The following CYP2C18 variants were observed in gnomAD, a reference collection of about 807,000 sequenced individuals.
CYP2C18 encodes the protein cytochrome P450 2C18.
Under a neutral mutation model 41.3 loss-of-function variants are expected in CYP2C18, and 38 were observed. The observed-to-expected ratio is 0.92, with a 90% confidence interval of 0.71 to 1.21. The LOEUF (loss-of-function observed/expected upper bound fraction) is 1.21. Ranked by LOEUF, CYP2C18 falls within the 50% of genes most tolerant of loss-of-function variation. The pLI is 0.00. For missense variants in CYP2C18, 635 were observed against 591.4 expected, an observed-to-expected ratio of 1.07 and a Z score of -0.77; for synonymous variants, 236 against 210.0, an observed-to-expected ratio of 1.12 and a Z score of -1.07.
At chr10:94,718,270 CTA>C (rs1225471669) in intron 5 of CYP2C18, among the ~76,000 whole-genome samples, 3 of 151,950 alleles carry the variant, frequency 2.0e-5, no homozygotes, top group Non-Finnish European at 2.9e-5. Flanking sequence ...TGTTGAAACA[CTA>C]TTAATTTTTG....
chr10:94,733,393 A>T lies in CYP2C18; in HGVS notation c.1246A>T (p.Ser416Cys). 6.2e-7 allele frequency: 1 copy of T among 1,613,424 alleles called. No individual in the cohort carries two copies. Residue 416 changes from serine to cysteine, a missense_variant, in exon 8 of 9, where the codon AGT becomes TGT. By Grantham distance (112) the Ser-to-Cys change is moderately radical. Transcript: ENST00000285979. ...MFDPGHFLDK[S>C]GNFKKSDYFM... ...TGACCCTGGCCACTTTCTGGATAAG[A>T]GTGGCAACTTTAAGAAAAGTGACTA...
At chr10:94,731,983 A>C (rs1847841820) in intron 7 of CYP2C18, among the ~76,000 whole-genome samples, 1 of 152,118 alleles carries the variant, frequency 6.6e-6, no homozygotes, top group Non-Finnish European at 1.5e-5. Context: ...TTGATAATTT[A>C]GTTACAAATT....
chr10:94,721,600 C>T (rs905271128), intron 6 of CYP2C18, among the ~76,000 whole-genome samples: 4 of 152,094 alleles, frequency 2.6e-5, no homozygotes, highest in Non-Finnish European at 4.4e-5. Context: ...TTTCATCCCT[C>T]ACCTCCCTCC....
At chr10:94,691,709 TTG>T (rs1439333723) in intron 3 of CYP2C18, among the ~76,000 whole-genome samples, 5 of 152,204 alleles carry the variant, frequency 3.3e-5, no homozygotes, top group Non-Finnish European at 5.9e-5. Flanking sequence ...AGAGCCCGCA[TTG>T]CCAAGTCAAT....
intron 5 of CYP2C18, among the ~76,000 whole-genome samples, chr10:94,714,589 T>A (rs935436248): frequency 6.6e-6 from 1 of 152,192 alleles, no homozygotes; most frequent in African/African-American, 2.4e-5. Context: ...AGCCTTGTAG[T>A]ATAGTTTGAA....
rs749152688 is a variant in CYP2C18 at position 94,724,468 on chromosome 10, C to CT, written c.1085dup (p.Thr364HisfsTer10). 3.1e-6 allele frequency: 5 copies of CT among 1,613,566 alleles called. No homozygotes were observed. Among genetic ancestry groups the CT allele is most frequent in the African/African-American group, 1.3e-5 (1 of 74,972 alleles). On this transcript the variant is annotated frameshift_variant, in exon 7 of 9. Transcript: ENST00000285979. LOFTEE classifies it high-confidence loss of function. ...CGAGATCCAGAGATACATTGACCTC[C>CT]TCCCCACCAACCTGCCCCATGCAGT...
chr10:94,717,849 C>G (rs1200516773), intron 5 of CYP2C18, among the ~76,000 whole-genome samples: 8 of 152,030 alleles, frequency 5.3e-5, no homozygotes, highest in South Asian at 4.1e-4. Context: ...GTTTTAATTA[C>G]TATTAATTTG....
intron 3 of CYP2C18, among the ~76,000 whole-genome samples, chr10:94,693,593 T>G (rs759340230): frequency 3.9e-5 from 6 of 152,082 alleles, no homozygotes; most frequent in South Asian, 2.1e-4. Flanking sequence ...CATGCATGCA[T>G]GCACACACAC....
At chr10:94,716,160 G>A (rs1290236421) in intron 5 of CYP2C18, among the ~76,000 whole-genome samples, 1 of 151,994 alleles carries the variant, frequency 6.6e-6, no homozygotes, top group Non-Finnish European at 1.5e-5. Flanking sequence ...ATTTTTTGAA[G>A]GGTTTTTGTG....
rs1481040559 is a variant in CYP2C18, at chr10:94,688,229, C to T, written c.436C>T (p.Gln146Ter). ...MGKRSIEDRV[Q>*]EEARCLVEEL... ...GAAGAGGAGCATCGAGGACCGTGTT[C>T]AAGAGGAAGCCCGCTGCCTTGTGGA... The change falls in exon 3 of 9, where the codon CAA becomes TAA. Residue 146 changes from glutamine (Q) to a stop codon, truncating the protein, a stop_gained. Transcript: ENST00000285979. LOFTEE classifies it high-confidence loss of function. 2 of 1,613,386 alleles carry T rather than the reference C, an allele frequency of 1.2e-6. No individual in the cohort carries two copies. The highest frequency in any genetic ancestry group is 2.2e-5 in the East Asian group (1 of 44,846).
intron 3 of CYP2C18, among the ~76,000 whole-genome samples, chr10:94,689,396 G>A (rs1055994649): frequency 6.6e-6 from 1 of 151,500 alleles, no homozygotes; most frequent in Admixed American, 6.6e-5. Context: ...TGGGGATTTT[G>A]TGGTCCTAGA....
At chr10:94,685,469 A>G (rs552370260) in intron 1 of CYP2C18, among the ~76,000 whole-genome samples, 74 of 151,672 alleles carry the variant, frequency 4.9e-4, no homozygotes, top group South Asian at 6.3e-4. Context: ...CCAAGAAATC[A>G]TTGCCTAGAC....
rs78063778 is a variant in CYP2C18 at position 94,720,108 on chromosome 10, A to C, written c.820-288A>C. Among the ~76,000 whole-genome samples the C allele has an allele frequency of 2.6e-3, 397 of 152,260 alleles. 13 individuals are homozygous for C. The East Asian group carries it at 0.061, about 23-fold the overall frequency. ...AGTAAAAAGGAGAGAAAGTGCCATC[A>C]ACAGGTACCTGCTTATATGTCATAG... On this transcript the variant is annotated intron_variant, in intron 5 of 8. Transcript: ENST00000285979.
Position 94,735,297 on chromosome 10 carries a change from C to T in CYP2C18, c.1326C>T (p.Arg442=). The T allele has an allele frequency of 6.2e-7, 1 of 1,613,624 alleles. No homozygotes were observed. The highest frequency in any genetic ancestry group is 1.3e-5 in the African/African-American group (1 of 75,002). The change falls in exon 9 of 9, where the codon CGC becomes CGT. Residue 442 remains arginine (R), a synonymous_variant. Coordinates refer to ENST00000285979, the MANE Select transcript of CYP2C18 (RefSeq NM_000772.3). ...TGTGTATGGGAGAGGGCCTGGCCCG[C>T]ATGGAGCTGTTTTTATTCCTGACCA... The part of the protein sequence containing the change: ...KRMCMGEGLA[R]MELFLFLTTI...
At chr10:94,695,878 C>T (rs1847107576) in intron 4 of CYP2C18, among the ~76,000 whole-genome samples, 1 of 152,174 alleles carries the variant, frequency 6.6e-6, no homozygotes, top group Non-Finnish European at 1.5e-5. Flanking sequence ...TGAAACCTCA[C>T]TCATTGATAG....
intron 5 of CYP2C18, among the ~76,000 whole-genome samples, chr10:94,711,824 CTT>C (rs74571308): frequency 2.3e-4 from 34 of 148,822 alleles, no homozygotes; most frequent in Non-Finnish European, 4.5e-4. Context: ...AATATGAACA[CTT>C]TTTTTTTTCT....
At chr10:94,719,402 T>C (rs2134201529) in intron 5 of CYP2C18, among the ~76,000 whole-genome samples, 1 of 151,406 alleles carries the variant, frequency 6.6e-6, no homozygotes, top group South Asian at 2.1e-4. Context: ...TGAACCTTCA[T>C]CTTGATTATT....
At chr10:94,729,003 A>G (rs978662286) in intron 7 of CYP2C18, among the ~76,000 whole-genome samples, 2 of 152,154 alleles carry the variant, frequency 1.3e-5, no homozygotes, top group South Asian at 2.1e-4. Context: ...TGAAGGTGAC[A>G]TCAAGAGTCT....
chr10:94,700,855 G>A (rs1019591142), intron 4 of CYP2C18, among the ~76,000 whole-genome samples: 15 of 152,060 alleles, frequency 9.9e-5, no homozygotes, highest in African/African-American at 3.6e-4. Flanking sequence ...TGCAGCCAAA[G>A]GACACATGAA....
Sources: gnomAD v4.1 joint callset for allele counts (sites outside exome capture counted in the v4.1 genomes callset) on GRCh38, gnomAD v4.1.1 for gene constraint, MANE v1.5 for transcripts, NCBI Gene and HGNC (gene_info 2026-07-23, HGNC 2026-07-21) for gene names.